The following TCAF1 variants were observed in gnomAD, a reference collection of about 807,000 sequenced individuals.
TCAF1 encodes TRPM8 channel-associated factor 1.
Under a neutral mutation model 27.3 loss-of-function variants are expected in TCAF1, and 4 were observed. The ratio of observed to expected loss-of-function variants is 0.15; its 90% CI spans 0.07 to 0.34. The LOEUF (loss-of-function observed/expected upper bound fraction) is 0.34. TCAF1 is among the 10% of genes least tolerant of loss of function. The pLI is 1.00. For missense variants in TCAF1, 257 were observed against 425.8 expected (o/e 0.60, Z 3.49); for synonymous variants, 105 against 167.1 (o/e 0.63, Z 2.87).
intron 1 of TCAF1, among the ~76,000 whole-genome samples, chr7:143,877,256 C>G (rs1434112223): frequency 6.6e-6 from 1 of 152,116 alleles, no homozygotes; most frequent in African/African-American, 2.4e-5. Flanking sequence ...TTATTTTAAG[C>G]CACCCCATTT....
intron 1 of TCAF1, among the ~76,000 whole-genome samples, chr7:143,897,131 A>AATATATATATAT (rs5888117): frequency 2.2e-3 from 178 of 80,298 alleles, no homozygotes; most frequent in Middle Eastern, 8.2e-3. Flanking sequence ...GTTAATCTTG[A>AATATATATATAT]ATATATATAT....
chr7:143,888,167 T>G (rs1813501267), intron 1 of TCAF1, among the ~76,000 whole-genome samples: 1 of 152,226 alleles, frequency 6.6e-6, no homozygotes, highest in South Asian at 2.1e-4. Flanking sequence ...CAAAACATAC[T>G]ACTGATGCAA....
chr7:143,888,620 A>G (rs960239492), intron 1 of TCAF1, among the ~76,000 whole-genome samples: 4 of 152,234 alleles, frequency 2.6e-5, no homozygotes, highest in Non-Finnish European at 5.9e-5. Flanking sequence ...ACATCTGTGA[A>G]TTCAAAAACC....
intron 1 of TCAF1, among the ~76,000 whole-genome samples, chr7:143,878,993 C>T (rs900529085): frequency 1.3e-5 from 2 of 152,214 alleles, no homozygotes; most frequent in African/African-American, 2.4e-5. Context: ...CTCTGGGGAC[C>T]ATCTACTGCC....
intron 6 of TCAF1, among the ~76,000 whole-genome samples, chr7:143,860,002 A>ATATATAT (rs1491155083): frequency 4.3e-4 from 2 of 4,656 alleles, no homozygotes; most frequent in African/African-American, 8.5e-4. Context: ...ATATTATATA[A>ATATATAT]TATATATATA....
chr7:143,883,634 T>C (rs1813224278), intron 1 of TCAF1, among the ~76,000 whole-genome samples: 1 of 148,500 alleles, frequency 6.7e-6, no homozygotes, highest in African/African-American at 2.5e-5. Context: ...GCCTCCCAAA[T>C]AGCTGGGATT....
In TCAF1 at chr7:143,859,932, ATATATAT is replaced by A. The variant is rs1811836805; in HGVS notation, c.2167+269_2167+275del. Among the ~76,000 whole-genome samples, 9 of 86,250 alleles carry A rather than the reference ATATATAT, an allele frequency of 1.0e-4. 2 individuals carry two copies. The highest frequency in any genetic ancestry group is 1.9e-4 in the Non-Finnish European group (9 of 46,548). The allele number at this position is 86,250 out of a possible 152,430, so 56.6% of individuals were successfully genotyped here. A position where few individuals can be genotyped will look rare whatever the true frequency, so the allele number is the denominator to read the frequency against. On this transcript the variant is annotated intron_variant, in intron 6 of 8. Transcript: ENST00000479870. ...TATATTACGGAATATATATTATATA[ATATATAT>A]TATATAATATATATTACGGAATATA...
rs1345261785 is a variant in TCAF1 at position 143,851,717 on chromosome 7, T to C, written c.*2416A>G. ...CAAATGTCTGATAGTTACATCACTTTTTAATACATCTATTGGTTTGATTTT... is the reference window on the plus strand; with the variant it reads ...CAAATGTCTGATAGTTACATCACTTCTTAATACATCTATTGGTTTGATTTT... On this transcript the variant is annotated 3_prime_UTR_variant, in exon 9 of 9. Coordinates refer to ENST00000479870, the MANE Select transcript of TCAF1 (RefSeq NM_014719.3). 3 of 152,224 alleles carry C rather than the reference T, an allele frequency of 2.0e-5. No individual in the cohort carries two copies. The highest frequency in any genetic ancestry group is 2.9e-5 in the Non-Finnish European group (2 of 68,014). The allele number at this position is 152,224 out of a possible 1,614,324, so 9.4% of individuals were successfully genotyped here. A position where few individuals can be genotyped will look rare whatever the true frequency, so the allele number is the denominator to read the frequency against.
At position 143,902,017 on chromosome 7, in the gene TCAF1, C is replaced by A. The variant is rs1814142318; in HGVS notation, c.-71G>T. On this transcript the variant is annotated 5_prime_UTR_variant, in exon 1 of 9. Transcript: ENST00000479870. The stretch of plus-strand genomic sequence containing the variant: ...CTCCTGGTCCAGAGTCTACGCTGAA[C>A]CCCACTCACTGTTTGCCCCGCTGTT... The A allele has an allele frequency of 6.6e-6, 1 of 152,286 alleles. No homozygotes were observed. Among genetic ancestry groups the A allele is most frequent in the African/African-American group, 2.4e-5 (1 of 41,460 alleles). 9.4% of individuals were successfully genotyped at this position (152,286 alleles called of 1,614,324 possible).
At chr7:143,889,991 T>G (rs1446865432) in intron 1 of TCAF1, among the ~76,000 whole-genome samples, 1 of 152,042 alleles carries the variant, frequency 6.6e-6, no homozygotes, top group Non-Finnish European at 1.5e-5. Context: ...AGGGCACCCA[T>G]TTTTCTTTTT....
chr7:143,876,858 A>T lies in TCAF1; in HGVS notation c.-14-236T>A, dbSNP rs565406797. Reference sequence around the variant, plus strand: ...AGAGCTTGATACTTTTCCATCACAGAAGGAAACAAACAGAATGAAAGAATG... The same window carrying T: ...AGAGCTTGATACTTTTCCATCACAGTAGGAAACAAACAGAATGAAAGAATG... On this transcript the variant is annotated intron_variant, in intron 1 of 8. Coordinates refer to ENST00000479870, the MANE Select transcript of TCAF1 (RefSeq NM_014719.3). Among the ~76,000 whole-genome samples, 25 of 152,266 alleles carry T rather than the reference A, an allele frequency of 1.6e-4. No homozygotes were observed. In the East Asian group the frequency reaches 4.8e-3, roughly 29 times the overall value.
At chr7:143,877,650 C>T (rs1294138028) in intron 1 of TCAF1, among the ~76,000 whole-genome samples, 1 of 152,218 alleles carries the variant, frequency 6.6e-6, no homozygotes, top group Non-Finnish European at 1.5e-5. Flanking sequence ...AGTCTGACCT[C>T]TGCTATGAGC....
At chr7:143,891,280 A>G (rs1813625876) in intron 1 of TCAF1, among the ~76,000 whole-genome samples, 1 of 152,208 alleles carries the variant, frequency 6.6e-6, no homozygotes, top group African/African-American at 2.4e-5. Context: ...AAAAAACAGA[A>G]TAAGTTGCCA....
At chr7:143,897,318 G>A (rs1302156537) in intron 1 of TCAF1, among the ~76,000 whole-genome samples, 1 of 151,396 alleles carries the variant, frequency 6.6e-6, no homozygotes, top group African/African-American at 2.4e-5. Flanking sequence ...ATGTGAAGAT[G>A]ACAAGGAAGA....
chr7:143,878,250 T>C (rs1002347609), intron 1 of TCAF1, among the ~76,000 whole-genome samples: 1 of 152,218 alleles, frequency 6.6e-6, no homozygotes, highest in Admixed American at 6.5e-5. Context: ...TAATAGAGAA[T>C]TCTTGCAGTG....
intron 1 of TCAF1, chr7:143,882,963 G>A (rs946759059): frequency 9.7e-5 from 76 of 783,048 alleles, no homozygotes; most frequent in Non-Finnish European, 1.1e-4. Flanking sequence ...GGCGCTTGGC[G>A]GGGGACAGCG....
chr7:143,875,921 C>A (rs111459600), intron 2 of TCAF1, 68 bp downstream of exon 2: 2 of 1,418,226 alleles, frequency 1.4e-6, no homozygotes, highest in Admixed American at 4.6e-5. Context: ...CTTGGAGCAA[C>A]CTGAAGATAA....
At chr7:143,875,892 G>C (rs969786274) in intron 2 of TCAF1, 97 bp downstream of exon 2, 1 of 1,091,362 alleles carries the variant, frequency 9.2e-7, no homozygotes, top group Admixed American at 2.4e-5. Flanking sequence ...TGAGTGCCTG[G>C]GAGCACTCTT....
chr7:143,899,349 T>C (rs1471497673), intron 1 of TCAF1, among the ~76,000 whole-genome samples: 2 of 152,176 alleles, frequency 1.3e-5, no homozygotes, highest in Non-Finnish European at 2.9e-5. Flanking sequence ...TATTTAGTAT[T>C]GAGGCAGAGT....
Sources: allele counts gnomAD v4.1 joint callset (sites outside exome capture counted in the v4.1 genomes callset), GRCh38; gene constraint gnomAD v4.1.1; transcripts MANE v1.5; gene names NCBI Gene and HGNC (gene_info 2026-07-23, HGNC 2026-07-21).